The following CCDC178 variants were observed in gnomAD, a reference collection of about 807,000 sequenced individuals.
The protein encoded by CCDC178 is coiled-coil domain containing 178.
CCDC178 carries 126 observed loss-of-function variants against 117.4 expected under a neutral mutation model. The observed-to-expected ratio is 1.07, with a 90% confidence interval of 0.93 to 1.24. The LOEUF (loss-of-function observed/expected upper bound fraction) is 1.24. Among genes scored for constraint, CCDC178 ranks in the 50% most tolerant of loss-of-function variants. The pLI, the probability that CCDC178 is intolerant of heterozygous loss-of-function variation, is 0.00. For missense variants in CCDC178, 1,030 were observed against 986.9 expected (o/e 1.04, Z -0.59); for synonymous variants, 283 against 313.4 (o/e 0.90, Z 1.02).
intron 20 of CCDC178, among the ~76,000 whole-genome samples, chr18:33,104,026 A>G (rs959632252): frequency 1.3e-5 from 2 of 151,808 alleles, no homozygotes; most frequent in African/African-American, 4.8e-5. Context: ...ATCAGCTCAT[A>G]AAGGAAAGTG....
At chr18:33,014,143 C>G (rs995741055) in intron 21 of CCDC178, among the ~76,000 whole-genome samples, 1 of 152,218 alleles carries the variant, frequency 6.6e-6, no homozygotes, top group Non-Finnish European at 1.5e-5. Flanking sequence ...AAACCAACAG[C>G]CTTAATACCA....
At chr18:33,102,713 T>C (rs754718591) in intron 20 of CCDC178, among the ~76,000 whole-genome samples, 3 of 151,776 alleles carry the variant, frequency 2.0e-5, no homozygotes, top group African/African-American at 7.3e-5. Context: ...ATAAAATATC[T>C]AAGGCAATTT....
At chr18:33,173,131 C>T (rs1277302583) in intron 20 of CCDC178, among the ~76,000 whole-genome samples, 1 of 152,160 alleles carries the variant, frequency 6.6e-6, no homozygotes, top group Non-Finnish European at 1.5e-5. Flanking sequence ...CTCACTGCAG[C>T]CTCTTCCTCC....
intron 22 of CCDC178, among the ~76,000 whole-genome samples, chr18:32,947,727 A>G (rs886924303): frequency 7.2e-5 from 11 of 152,078 alleles, no homozygotes; most frequent in Non-Finnish European, 1.3e-4. Flanking sequence ...GATAAAATCC[A>G]ATTTATTATT....
At chr18:33,072,752 T>G (rs166606) in intron 21 of CCDC178, among the ~76,000 whole-genome samples, 21,667 of 152,138 alleles carry the variant, frequency 0.14, 2,391 homozygotes, top group African/African-American at 0.31. Context: ...GTTCTGCAGG[T>G]TTCACTTTTT....
At chr18:33,362,788 A>G (rs149808926) in intron 6 of CCDC178, among the ~76,000 whole-genome samples, 141 of 152,096 alleles carry the variant, frequency 9.3e-4, no homozygotes, top group African/African-American at 3.3e-3. Flanking sequence ...GTAAATTCTT[A>G]ATGGATATGG....
intron 3 of CCDC178, among the ~76,000 whole-genome samples, chr18:33,398,901 T>C (rs761756318): frequency 5.9e-5 from 9 of 152,212 alleles, no homozygotes; most frequent in Non-Finnish European, 1.2e-4. Context: ...ATATTGTTTA[T>C]GTCTAAACAA....
chr18:33,219,074 C>G (rs1036416056), intron 18 of CCDC178, among the ~76,000 whole-genome samples: 22 of 152,094 alleles, frequency 1.4e-4, no homozygotes, highest in Non-Finnish European at 2.6e-4. Flanking sequence ...CTGATTATTC[C>G]TATCGATCAA....
intron 7 of CCDC178, among the ~76,000 whole-genome samples, chr18:33,351,074 C>A (rs2062970659): frequency 6.6e-6 from 1 of 150,928 alleles, no homozygotes; most frequent in South Asian, 2.1e-4. Flanking sequence ...AAGGTGTGGG[C>A]TTGTGTCACA....
chr18:33,070,920 T>C (rs1157482290), intron 21 of CCDC178, among the ~76,000 whole-genome samples: 2 of 152,032 alleles, frequency 1.3e-5, no homozygotes, highest in African/African-American at 4.8e-5. Flanking sequence ...TATAAATTCA[T>C]TGAGACACAT....
chr18:32,940,947 T>C (rs1268604773), intron 22 of CCDC178, among the ~76,000 whole-genome samples: 1 of 151,874 alleles, frequency 6.6e-6, no homozygotes, highest in Non-Finnish European at 1.5e-5. Flanking sequence ...ACATAGGAGG[T>C]AGAGCTCCTC....
Position 33,224,922 on chromosome 18 carries a change from G to T in CCDC178, c.1671C>A (p.Ser557=). The change falls in exon 17 of 23, where the codon TCC becomes TCA. Residue 557 remains serine, a synonymous_variant. Coordinates refer to ENST00000383096, the MANE Select transcript of CCDC178 (RefSeq NM_001105528.4). The stretch of plus-strand genomic sequence containing the variant: ...GCTCAAGTGCCTGGACTTCGTAAAT[G>T]GAATATAGTTTTTTCTGCCAGCAAA... The part of the protein sequence containing the change: ...AGMVLQKKLY[S]IYEVQALERK... 6.7e-7 allele frequency: 1 copy of T among 1,482,830 alleles called. No individual in the cohort carries two copies. The highest frequency in any genetic ancestry group is 9.0e-7 in the Non-Finnish European group (1 of 1,115,990). 91.9% of individuals were successfully genotyped at this position (1,482,830 alleles called of 1,614,324 possible).
intron 20 of CCDC178, among the ~76,000 whole-genome samples, chr18:33,093,290 T>A (rs1598875745): frequency 6.6e-6 from 1 of 152,054 alleles, no homozygotes; most frequent in Non-Finnish European, 1.5e-5. Context: ...CCTCTTATAC[T>A]TTTCTCTAGC....
At chr18:33,060,091 T>C (rs2144958009) in intron 21 of CCDC178, among the ~76,000 whole-genome samples, 1 of 152,236 alleles carries the variant, frequency 6.6e-6, no homozygotes, top group African/African-American at 2.4e-5. Context: ...TAAGACTCAG[T>C]ATAGGTATCT....
At chr18:33,188,905 T>C (rs1465604262) in intron 20 of CCDC178, among the ~76,000 whole-genome samples, 3 of 152,136 alleles carry the variant, frequency 2.0e-5, no homozygotes, top group Non-Finnish European at 4.4e-5. Flanking sequence ...ATAGAAATAA[T>C]AGAAAATTTT....
At chr18:33,343,439 G>A (rs1034093249) in intron 9 of CCDC178, among the ~76,000 whole-genome samples, 4 of 152,144 alleles carry the variant, frequency 2.6e-5, no homozygotes, top group African/African-American at 9.7e-5. Flanking sequence ...CTACACGTTG[G>A]ATGGCAAGGG....
At chr18:33,347,517 G>A (rs980641823) in intron 8 of CCDC178, among the ~76,000 whole-genome samples, 2 of 151,856 alleles carry the variant, frequency 1.3e-5, no homozygotes, top group Non-Finnish European at 2.9e-5. Flanking sequence ...TCCTTTATTT[G>A]GCATCTTTGA....
intron 20 of CCDC178, among the ~76,000 whole-genome samples, chr18:33,195,066 A>AT (rs1272592598): frequency 4.6e-5 from 7 of 150,994 alleles, no homozygotes; most frequent in Non-Finnish European, 1.0e-4. Context: ...GCAGTGAGCT[A>AT]TGATAGCACC....
chr18:33,131,975 ATTGT>A (rs1288800163), intron 20 of CCDC178, among the ~76,000 whole-genome samples: 8 of 151,084 alleles, frequency 5.3e-5, no homozygotes, highest in Non-Finnish European at 7.4e-5. Flanking sequence ...AGTTATATTG[ATTGT>A]TTGTTTGTTT....
Sources: gnomAD v4.1 joint callset for allele counts (sites outside exome capture counted in the v4.1 genomes callset) on GRCh38, gnomAD v4.1.1 for gene constraint, MANE v1.5 for transcripts, NCBI Gene and HGNC (gene_info 2026-07-23, HGNC 2026-07-21) for gene names.